CADPS2: variants seen among roughly 807,000 people sequenced by gnomAD.
CADPS2 encodes the protein calcium-dependent secretion activator 2.
CADPS2 carries 93 observed loss-of-function variants against 172.5 expected under a neutral mutation model. The observed-to-expected ratio is 0.54, with a 90% CI of 0.46 to 0.64. CADPS2 has a LOEUF of 0.64. CADPS2 is among the 30% of genes least tolerant of loss of function. The pLI is 0.00. For synonymous variants in CADPS2, 546 were observed against 555.2 expected, an observed-to-expected ratio of 0.98 and a Z score of 0.23; for missense variants, 1,420 against 1,565.9, an observed-to-expected ratio of 0.91 and a Z score of 1.57.
At chr7:122,416,247 G>T in intron 17 of CADPS2, 83 bp from the exon 18 acceptor site, 2 of 559,436 alleles carry the variant, frequency 3.6e-6, no homozygotes, top group Non-Finnish European at 3.0e-6. Context: ...AGACTAGAAT[G>T]TTGAAATAGA....
rs748113054 is a variant in CADPS2 at position 122,791,287 on chromosome 7, C to G, written c.340-54219G>C. Among the ~76,000 whole-genome samples the G allele has an allele frequency of 2.0e-5, 3 of 151,976 alleles. 1 individual carries two copies. Among genetic ancestry groups the G allele is most frequent in the Admixed American group, 1.3e-4 (2 of 15,250 alleles). On this transcript the variant is annotated intron_variant, in intron 1 of 29. Transcript: ENST00000449022. ...AGATTTTAAACTACAGAAAGAAATA[C>G]TAAGGAAACCACGGATGGTATGAGA...
chr7:122,674,395 C>G (rs998911012), intron 2 of CADPS2, among the ~76,000 whole-genome samples: 4 of 152,182 alleles, frequency 2.6e-5, no homozygotes, highest in African/African-American at 7.2e-5. Flanking sequence ...CTATGTATGT[C>G]ACATTTGTCC....
intron 2 of CADPS2, among the ~76,000 whole-genome samples, chr7:122,724,216 T>G (rs947381598): frequency 4.6e-5 from 7 of 151,708 alleles, no homozygotes; most frequent in Non-Finnish European, 8.8e-5. Flanking sequence ...AAAATAAAAA[T>G]AAATCTGTCT....
intron 24 of CADPS2, chr7:122,386,407 G>A: frequency 1.4e-6 from 1 of 694,156 alleles, no homozygotes; most frequent in Non-Finnish European, 2.2e-6. Flanking sequence ...GGAAAAAAAG[G>A]CAACAAAATC....
intron 9 of CADPS2, among the ~76,000 whole-genome samples, chr7:122,511,666 A>C (rs2130800673): frequency 6.6e-6 from 1 of 152,288 alleles, no homozygotes; most frequent in Middle Eastern, 3.4e-3. Flanking sequence ...GAAATCATGT[A>C]GTTAAATGAG....
At chr7:122,700,195 G>A (rs965305333) in intron 2 of CADPS2, among the ~76,000 whole-genome samples, 1 of 152,128 alleles carries the variant, frequency 6.6e-6, no homozygotes, top group Non-Finnish European at 1.5e-5. Flanking sequence ...CAAAGATTCT[G>A]ACCTTGAACA....
At chr7:122,386,944 C>A in intron 24 of CADPS2, 82 bp downstream of exon 24, 2 of 1,423,224 alleles carry the variant, frequency 1.4e-6, no homozygotes, top group Admixed American at 2.4e-5. Context: ...TCAATCCAAT[C>A]AAGAGAATGC....
intron 1 of CADPS2, among the ~76,000 whole-genome samples, chr7:122,868,867 A>G (rs1818985694): frequency 6.6e-6 from 1 of 152,204 alleles, no homozygotes; most frequent in Non-Finnish European, 1.5e-5. Flanking sequence ...ATTAAAAACT[A>G]CTAAACAGAA....
chr7:122,516,912 A>G (rs1445564371), intron 8 of CADPS2, among the ~76,000 whole-genome samples: 1 of 151,696 alleles, frequency 6.6e-6, no homozygotes, highest in African/African-American at 2.4e-5. Flanking sequence ...GTTTATTGGT[A>G]TAGTTTACAT....
At chr7:122,378,419 AT>A (rs2042602951) in intron 25 of CADPS2, among the ~76,000 whole-genome samples, 1 of 152,172 alleles carries the variant, frequency 6.6e-6, no homozygotes, top group Non-Finnish European at 1.5e-5. Context: ...AAAAACATGT[AT>A]GCTAATTTGC....
intron 2 of CADPS2, among the ~76,000 whole-genome samples, chr7:122,664,668 G>A (rs982961381): frequency 5.9e-5 from 9 of 152,104 alleles, no homozygotes; most frequent in African/African-American, 1.7e-4. Flanking sequence ...TTTTATTCTT[G>A]CTTTATTCTT....
intron 1 of CADPS2, among the ~76,000 whole-genome samples, chr7:122,773,810 A>C (rs1038296918): frequency 4.6e-5 from 7 of 152,068 alleles, no homozygotes; most frequent in African/African-American, 1.4e-4. Flanking sequence ...TTTTCTTGCA[A>C]AGCTTTCCTT....
chr7:122,516,741 T>C (rs2130917483), intron 8 of CADPS2, among the ~76,000 whole-genome samples: 1 of 152,274 alleles, frequency 6.6e-6, no homozygotes, highest in South Asian at 2.1e-4. Context: ...CAAATTCATA[T>C]TATATGCATA....
At position 122,319,970 on chromosome 7, in the gene CADPS2, CAAAA is replaced by C. The variant is rs869144999; in HGVS notation, c.*191_*194del. On this transcript the variant is annotated 3_prime_UTR_variant, in exon 30 of 30. Coordinates refer to ENST00000449022, the MANE Select transcript of CADPS2 (RefSeq NM_017954.11). The stretch of plus-strand genomic sequence containing the variant: ...CCAAAAAAACAAACAAACAAACAAA[CAAAA>C]AAAGGAAACAAAAAAACCCCAAAAT... 4.9e-5 allele frequency: 21 copies of C among 431,062 alleles called. No individual in the cohort carries two copies. Among genetic ancestry groups the C allele is most frequent in the Non-Finnish European group, 6.1e-5 (16 of 263,278 alleles). 26.7% of individuals were successfully genotyped at this position (431,062 alleles called of 1,614,324 possible). A position where few individuals can be genotyped will look rare whatever the true frequency, so the allele number is the denominator to read the frequency against.
chr7:122,631,674 G>A (rs2076585444), intron 3 of CADPS2, among the ~76,000 whole-genome samples: 1 of 149,358 alleles, frequency 6.7e-6, no homozygotes, highest in Non-Finnish European at 1.5e-5. Context: ...GTAGAGCACT[G>A]GGACACTACA....
chr7:122,341,507 A>T (rs1336562485), intron 28 of CADPS2, among the ~76,000 whole-genome samples: 3 of 152,196 alleles, frequency 2.0e-5, no homozygotes, highest in Non-Finnish European at 4.4e-5. Flanking sequence ...TTTCAAACTC[A>T]CCCAGATATT....
chr7:122,388,881 G>T (rs1486235695), intron 22 of CADPS2, 143 bp from the exon 23 acceptor site: 1 of 775,326 alleles, frequency 1.3e-6, no homozygotes, highest in Non-Finnish European at 1.9e-6. Context: ...TATTTTCTTT[G>T]TTCAGCCTTC....
At chr7:122,567,932 C>T (rs1180151295) in intron 7 of CADPS2, among the ~76,000 whole-genome samples, 2 of 151,996 alleles carry the variant, frequency 1.3e-5, no homozygotes, top group East Asian at 1.9e-4. Context: ...TTAAGCTTAA[C>T]CATATCAATA....
chr7:122,580,376 A>T (rs1258107558), intron 7 of CADPS2, among the ~76,000 whole-genome samples: 3 of 151,394 alleles, frequency 2.0e-5, no homozygotes. Flanking sequence ...AATCGCTCGA[A>T]TCTAGGAGGT....
Sources: gnomAD v4.1 joint callset for allele counts (sites outside exome capture counted in the v4.1 genomes callset) on GRCh38, gnomAD v4.1.1 for gene constraint, MANE v1.5 for transcripts, NCBI Gene and HGNC (gene_info 2026-07-23, HGNC 2026-07-21) for gene names.